PPP1R42: variants seen among roughly 807,000 people sequenced by gnomAD.
PPP1R42 encodes the protein leucine rich repeat containing 67.
Under a neutral mutation model 31.0 loss-of-function variants are expected in PPP1R42, and 34 were observed. That is an observed-to-expected ratio of 1.10 (90% confidence interval 0.83 to 1.46). The LOEUF (loss-of-function observed/expected upper bound fraction) is 1.46, where lower values mean the gene tolerates loss of function less well. PPP1R42 is among the 40% of genes most tolerant of loss of function. The probability of loss-of-function intolerance (pLI) is 0.00; values close to 1 mark genes in which losing one functional copy is unlikely to be tolerated. For missense variants in PPP1R42, 268 were observed against 303.0 expected, an observed-to-expected ratio of 0.88 and a Z score of 0.86; for synonymous variants, 103 against 109.8, an observed-to-expected ratio of 0.94 and a Z score of 0.39.
At chr8:66,987,287 CTTTTTTTTTTTT>C (rs71249412) in intron 6 of PPP1R42, among the ~76,000 whole-genome samples, 2 of 106,008 alleles carry the variant, frequency 1.9e-5, no homozygotes, top group South Asian at 3.3e-4. Flanking sequence ...AGCAAATGAT[CTTTTTTTTTTTT>C]TTTTTTTTTT....
rs571777046 is a variant in PPP1R42 at position 66,971,809 on chromosome 8, G to T, written c.803-7475C>A. ...TTAGGATAAGATTTTTAAATTGTAAGATCCTTGAAGTTAGAGGTTATAATA... is the reference window on the plus strand; with the variant it reads ...TTAGGATAAGATTTTTAAATTGTAATATCCTTGAAGTTAGAGGTTATAATA... On this transcript the variant is annotated intron_variant, in intron 7 of 7. Transcript: ENST00000685739. 1.4e-4 allele frequency among the ~76,000 whole-genome samples: 21 copies of T among 152,262 alleles called. No individual in the cohort carries two copies. The South Asian group carries it at 2.7e-3, about 20-fold the overall frequency.
chr8:67,003,166 CAA>C (rs529377387), intron 5 of PPP1R42, among the ~76,000 whole-genome samples: 9 of 57,716 alleles, frequency 1.6e-4, no homozygotes, highest in African/African-American at 3.9e-4. Context: ...AACTCCGTCT[CAA>C]AAAAAAAAAA....
At chr8:66,988,203 A>G (rs763742069) in intron 6 of PPP1R42, 197 bp downstream of exon 6, 9 of 1,208,248 alleles carry the variant, frequency 7.4e-6, no homozygotes, top group Non-Finnish European at 9.2e-6. Context: ...TGCTTTAATT[A>G]CTTCTGAACA....
At chr8:67,001,166 A>G (rs1190861173) in intron 5 of PPP1R42, among the ~76,000 whole-genome samples, 1 of 147,270 alleles carries the variant, frequency 6.8e-6, no homozygotes, top group African/African-American at 2.5e-5. Flanking sequence ...TCATAATTTT[A>G]TTTTTAACTC....
At chr8:66,982,258 A>G in intron 6 of PPP1R42, 78 bp from the exon 7 acceptor site, 1 of 679,752 alleles carries the variant, frequency 1.5e-6, no homozygotes, top group Non-Finnish European at 2.1e-6. Flanking sequence ...TCTGGTTCAG[A>G]GCACAGAAAC....
chr8:66,993,319 C>A (rs1054561656), intron 5 of PPP1R42, among the ~76,000 whole-genome samples: 1 of 152,178 alleles, frequency 6.6e-6, no homozygotes, highest in Non-Finnish European at 1.5e-5. Flanking sequence ...CTTTTCAAAC[C>A]GCTAATCTCC....
chr8:67,009,574 G>GA (rs111958480), intron 5 of PPP1R42, among the ~76,000 whole-genome samples: 104 of 146,980 alleles, frequency 7.1e-4, no homozygotes, highest in African/African-American at 2.3e-3. Context: ...AAAATAAAAA[G>GA]AAAAAAAAAA....
At chr8:67,012,888 C>A in intron 4 of PPP1R42, 70 bp downstream of exon 4, 3 of 1,425,594 alleles carry the variant, frequency 2.1e-6, no homozygotes, top group Non-Finnish European at 1.9e-6. Flanking sequence ...TATACCTTCA[C>A]CACATTCCTG....
intron 1 of PPP1R42, among the ~76,000 whole-genome samples, chr8:67,025,524 C>A (rs1816366076): frequency 6.7e-6 from 1 of 150,338 alleles, no homozygotes; most frequent in Non-Finnish European, 1.5e-5. Context: ...AAGGCAAAAT[C>A]TTACCTCTTC....
intron 7 of PPP1R42, among the ~76,000 whole-genome samples, chr8:66,978,073 C>A (rs953644344): frequency 6.6e-6 from 1 of 152,134 alleles, no homozygotes; most frequent in African/African-American, 2.4e-5. Context: ...CTGTATTAGT[C>A]CATTTTCATG....
chr8:67,018,823 C>CCCG (rs1563433572), intron 1 of PPP1R42, among the ~76,000 whole-genome samples: 1 of 58,686 alleles, frequency 1.7e-5, no homozygotes, highest in Non-Finnish European at 3.9e-5. Flanking sequence ...CGCCCCCCCC[C>CCCG]CCTTTTTTTT....
chr8:66,989,593 A>G (rs916824529), intron 5 of PPP1R42, among the ~76,000 whole-genome samples: 8 of 152,234 alleles, frequency 5.3e-5, no homozygotes, highest in Non-Finnish European at 1.0e-4. Context: ...AAAGTAGTGC[A>G]CATAGCTTGG....
chr8:66,985,179 C>T, intron 6 of PPP1R42: 4 of 1,129,478 alleles, frequency 3.5e-6, no homozygotes, highest in Non-Finnish European at 5.4e-6. Flanking sequence ...CCTGAAGCTT[C>T]TCCAGTTGAG....
At chr8:66,999,963 T>C (rs1375273640) in intron 5 of PPP1R42, among the ~76,000 whole-genome samples, 1 of 152,174 alleles carries the variant, frequency 6.6e-6, no homozygotes. Flanking sequence ...CAGATATTGT[T>C]AATTTGTGTT....
At chr8:66,986,451 CT>C (rs993527740) in intron 6 of PPP1R42, among the ~76,000 whole-genome samples, 1 of 152,174 alleles carries the variant, frequency 6.6e-6, no homozygotes, top group African/African-American at 2.4e-5. Flanking sequence ...AACCAGAAAC[CT>C]TCTGACTGCC....
intron 1 of PPP1R42, among the ~76,000 whole-genome samples, chr8:67,026,532 C>T (rs1816402399): frequency 1.3e-5 from 2 of 151,956 alleles, no homozygotes; most frequent in Non-Finnish European, 2.9e-5. Flanking sequence ...AATTTATTCT[C>T]CTGCTTTTAA....
At chr8:67,024,324 G>C (rs1816322132) in intron 1 of PPP1R42, among the ~76,000 whole-genome samples, 1 of 152,076 alleles carries the variant, frequency 6.6e-6, no homozygotes, top group Non-Finnish European at 1.5e-5. Context: ...TTTTGTATGT[G>C]TGTGTGTATG....
rs1330161769 is a variant in PPP1R42 at position 67,017,597 on chromosome 8, G to C, written c.129+22C>G. The C allele has an allele frequency of 3.2e-6, 4 of 1,268,264 alleles. No homozygotes were observed. The African/African-American group carries it at 6.1e-5, about 19-fold the overall frequency. The allele number at this position is 1,268,264 out of a possible 1,614,324, so 78.6% of individuals were successfully genotyped here. A position where few individuals can be genotyped will look rare whatever the true frequency, so the allele number is the denominator to read the frequency against. The stretch of plus-strand genomic sequence containing the variant: ...TTACATTATTAATTATATAAAATAG[G>C]AAATAATTTCAAAGTTCTTACAATT... On this transcript the variant is annotated intron_variant, in intron 2 of 7. Transcript: ENST00000685739.
rs933187817 is a variant in PPP1R42, at chr8:67,028,406, G to A, written c.-85+85C>T. ...GGATCTGCATTTTAACAAATGTCCC[G>A]GAAAGTCTTACTGGCAGGCAAGTTT... On this transcript the variant is annotated intron_variant, in intron 1 of 7. Transcript: ENST00000685739. 5.4e-5 allele frequency: 40 copies of A among 739,648 alleles called. No homozygotes were observed. The African/African-American group carries it at 6.9e-4, about 13-fold the overall frequency. The allele number at this position is 739,648 out of a possible 1,614,324, so 45.8% of individuals were successfully genotyped here. A position where few individuals can be genotyped will look rare whatever the true frequency, so the allele number is the denominator to read the frequency against.
Sources: gnomAD v4.1 joint callset for allele counts (sites outside exome capture counted in the v4.1 genomes callset) on GRCh38, gnomAD v4.1.1 for gene constraint, MANE v1.5 for transcripts, NCBI Gene and HGNC (gene_info 2026-07-23, HGNC 2026-07-21) for gene names.